SEPTIN9: variants seen among roughly 807,000 people sequenced by gnomAD.
The protein encoded by SEPTIN9 is septin-9.
A neutral mutation model predicts 56.6 loss-of-function variants in SEPTIN9; 13 were observed. The observed-to-expected ratio is 0.23, with a 90% confidence interval of 0.15 to 0.37. SEPTIN9 has a LOEUF of 0.37. SEPTIN9 is among the 10% of genes least tolerant of loss of function. The probability of loss-of-function intolerance (pLI) is 1.00; values close to 1 mark genes in which losing one functional copy is unlikely to be tolerated. For synonymous variants in SEPTIN9, 332 were observed against 334.1 expected (o/e 0.99, Z 0.07); for missense variants, 650 against 823.1 (o/e 0.79, Z 2.57).
chr17:77,478,123 T>C (rs887610522), intron 3 of SEPTIN9, among the ~76,000 whole-genome samples: 10 of 152,242 alleles, frequency 6.6e-5, no homozygotes, highest in Admixed American at 4.6e-4. Flanking sequence ...CAGTGGCATT[T>C]CAGGAAAAAA....
rs572493707 is a variant in SEPTIN9, at chr17:77,285,323, G to A, written c.19+3769G>A. On this transcript the variant is annotated intron_variant, in intron 1 of 11. Coordinates refer to ENST00000427177, the MANE Select transcript of SEPTIN9 (RefSeq NM_001113491.2). ...GCGGCAGGAGGACTTACCCGAGGCC[G>A]ATGAGCCACAGAAGCGGGACTGAGG... 3.8e-3 allele frequency among the ~76,000 whole-genome samples: 573 copies of A among 152,304 alleles called. 2 individuals are homozygous for A. Among genetic ancestry groups the A allele is most frequent in the African/African-American group, 0.013 (531 of 41,556 alleles).
chr17:77,313,995 C>T lies in SEPTIN9; in HGVS notation c.76+6798C>T, dbSNP rs953843057. 7.2e-5 allele frequency among the ~76,000 whole-genome samples: 11 copies of T among 152,052 alleles called. No individual in the cohort carries two copies. The highest frequency in any genetic ancestry group is 2.7e-4 in the African/African-American group (11 of 41,400). ...TGGGAGGATCACTTGAGCTCAGGTGCTCCAGACCAGCCTGGGCAACATGAC... is the reference window on the plus strand; with the variant it reads ...TGGGAGGATCACTTGAGCTCAGGTGTTCCAGACCAGCCTGGGCAACATGAC... On this transcript the variant is annotated intron_variant, in intron 2 of 11. Transcript: ENST00000427177. This position sits in a 1 kb window ranked among gnomAD's most constrained non-coding sequence, Gnocchi z 4.5.
At chr17:77,314,179 A>C (rs2032610892) in intron 2 of SEPTIN9, among the ~76,000 whole-genome samples, 2 of 145,524 alleles carry the variant, frequency 1.4e-5, no homozygotes, top group South Asian at 4.3e-4. Context: ...CAAAAAAAAA[A>C]ATTTTTTTTT....
chr17:77,477,632 G>C (rs552779353), intron 3 of SEPTIN9, among the ~76,000 whole-genome samples: 1 of 152,130 alleles, frequency 6.6e-6, no homozygotes, highest in Non-Finnish European at 1.5e-5. Flanking sequence ...CCACAGCCTC[G>C]GGCACCCAGG....
chr17:77,330,107 C>CCCTGCCT lies in SEPTIN9; in HGVS notation c.76+22921_76+22927dup, dbSNP rs2033291884. Among the ~76,000 whole-genome samples, 1 of 152,260 alleles carries CCCTGCCT rather than the reference C, an allele frequency of 6.6e-6. No individual in the cohort carries two copies. Among genetic ancestry groups the CCCTGCCT allele is most frequent in the Admixed American group, 6.5e-5 (1 of 15,290 alleles). Reference sequence around the variant, plus strand: ...CCAAGACTAGCCTCCCAGCCACTCTCCCTGCCTCCTGCCTCCTCTCCTTCG... The same window carrying CCCTGCCT: ...CCAAGACTAGCCTCCCAGCCACTCTCCCTGCCTCCTGCCTCCTGCCTCCTCTCCTTCG... On this transcript the variant is annotated intron_variant, in intron 2 of 11. Transcript: ENST00000427177. This position sits in a 1 kb window ranked among gnomAD's most constrained non-coding sequence, Gnocchi z 4.4.
chr17:77,404,997 A>G, intron 3 of SEPTIN9: 1 of 1,279,646 alleles, frequency 7.8e-7, no homozygotes, highest in Non-Finnish European at 1.1e-6. Flanking sequence ...CGTGCCGGAT[A>G]CACCCCCATC....
At chr17:77,485,350 G>A (rs1413574687) in intron 4 of SEPTIN9, among the ~76,000 whole-genome samples, 1 of 151,520 alleles carries the variant, frequency 6.6e-6, no homozygotes, top group African/African-American at 2.4e-5. Flanking sequence ...GGTGTTGATG[G>A]TGATAGTGGT....
chr17:77,374,828 T>A (rs2034861671), intron 2 of SEPTIN9: 1 of 152,278 alleles, frequency 6.6e-6, no homozygotes, highest in Admixed American at 6.5e-5. Flanking sequence ...TCTTCAGGGC[T>A]GGGCCTGAGG....
At chr17:77,378,464 C>A (rs1697628903) in intron 2 of SEPTIN9, among the ~76,000 whole-genome samples, 1 of 152,180 alleles carries the variant, frequency 6.6e-6, no homozygotes, top group African/African-American at 2.4e-5. Context: ...ACGGGTCCTG[C>A]CTCCTACGGG....
chr17:77,483,356 A>C (rs2039538036), intron 4 of SEPTIN9: 1 of 152,916 alleles, frequency 6.5e-6, no homozygotes, highest in Non-Finnish European at 1.5e-5. Context: ...CCGGCTGCTC[A>C]TGGCCCTGCT....
At chr17:77,378,494 G>GGC (rs2035014793) in intron 2 of SEPTIN9, among the ~76,000 whole-genome samples, 1 of 152,164 alleles carries the variant, frequency 6.6e-6, no homozygotes, top group Non-Finnish European at 1.5e-5. Flanking sequence ...TGTCGCGGCT[G>GGC]GTGTGGCATC....
intron 2 of SEPTIN9, among the ~76,000 whole-genome samples, chr17:77,390,186 A>G (rs1292938013): frequency 6.6e-6 from 1 of 151,662 alleles, no homozygotes; most frequent in Non-Finnish European, 1.5e-5. Flanking sequence ...GATGGCTTGA[A>G]GCAGAAGCTG....
chr17:77,346,363 A>G (rs755781022), intron 2 of SEPTIN9, among the ~76,000 whole-genome samples: 7 of 136,818 alleles, frequency 5.1e-5, no homozygotes, highest in East Asian at 4.3e-4. Context: ...GCTTCAGCCT[A>G]CGTATTTTAG....
chr17:77,306,874 G>T (rs1018343153), intron 1 of SEPTIN9, among the ~76,000 whole-genome samples: 5 of 152,176 alleles, frequency 3.3e-5, no homozygotes, highest in Admixed American at 1.3e-4. Flanking sequence ...TTCCTTATCT[G>T]CAAAACAGGG....
At position 77,498,677 on chromosome 17, in the gene SEPTIN9, C is replaced by CCCGGGTG; in HGVS notation, c.*20_*21insCGGGTGC. The CCCGGGTG allele has an allele frequency of 6.6e-7, 1 of 1,521,662 alleles. No individual in the cohort carries two copies. The highest frequency in any genetic ancestry group is 1.2e-5 in the South Asian group (1 of 85,906). 94.3% of individuals were successfully genotyped at this position (1,521,662 alleles called of 1,614,324 possible). ...GATGTAGACGCCACCCTGCCCACCC[C>CCCGGGTG]CGGGATCCTGCCCCCAAGTCATTTC... On this transcript the variant is annotated 3_prime_UTR_variant, in exon 12 of 12. Coordinates refer to ENST00000427177, the MANE Select transcript of SEPTIN9 (RefSeq NM_001113491.2).
rs1033794617 is a variant in SEPTIN9, at chr17:77,456,703, A to G, written c.722-25441A>G. 6.6e-6 allele frequency among the ~76,000 whole-genome samples: 1 copy of G among 151,744 alleles called. No individual in the cohort carries two copies. The highest frequency in any genetic ancestry group is 1.5e-5 in the Non-Finnish European group (1 of 67,882). ...GGACCAGCACCGGGTACCCACAGCC[A>G]GGGACGGGCCCCCATGGCCAGTACC... On this transcript the variant is annotated intron_variant, in intron 3 of 11. Coordinates refer to ENST00000427177, the MANE Select transcript of SEPTIN9 (RefSeq NM_001113491.2). This position sits in a 1 kb window ranked among gnomAD's most constrained non-coding sequence, Gnocchi z 6.0.
At chr17:77,292,196 C>CA (rs2031591392) in intron 1 of SEPTIN9, among the ~76,000 whole-genome samples, 1 of 152,194 alleles carries the variant, frequency 6.6e-6, no homozygotes, top group African/African-American at 2.4e-5. Context: ...ACTTGTGCAA[C>CA]AGTTTCTTCT....
chr17:77,488,931 C>G (rs1022062497), intron 7 of SEPTIN9, 67 bp downstream of exon 7: 2 of 1,588,486 alleles, frequency 1.3e-6, no homozygotes, highest in African/African-American at 2.7e-5. Context: ...CCTGGGACTG[C>G]AAGACGGTGC....
chr17:77,377,463 AT>A (rs879599809), intron 2 of SEPTIN9, among the ~76,000 whole-genome samples: 4 of 151,984 alleles, frequency 2.6e-5, no homozygotes, highest in Non-Finnish European at 5.9e-5. Context: ...CTGTAACCAG[AT>A]TTGCACACCG....
Sources: gnomAD v4.1 joint callset for allele counts (sites outside exome capture counted in the v4.1 genomes callset) on GRCh38, gnomAD v4.1.1 for gene constraint, Gnocchi (gnomAD v3.1) non-coding constraint, MANE v1.5 for transcripts, NCBI Gene and HGNC (gene_info 2026-07-23, HGNC 2026-07-21) for gene names.